Variants in GLIS3 observed in about 807,000 individuals in gnomAD.
GLIS3 encodes the protein GLIS family zinc finger 3.
GLIS3 carries 53 observed loss-of-function variants against 78.6 expected under a neutral mutation model. That is an observed-to-expected ratio of 0.67 (90% CI 0.54 to 0.85). The LOEUF is 0.85. Ranked by LOEUF, GLIS3 falls within the 40% of genes least tolerant of loss-of-function variation. The probability of loss-of-function intolerance (pLI) is 0.00; values close to 1 mark genes in which losing one functional copy is unlikely to be tolerated. For synonymous variants in GLIS3, 684 were observed against 509.9 expected, an observed-to-expected ratio of 1.34 and a Z score of -4.60; for missense variants, 1,703 against 1,231.1, an observed-to-expected ratio of 1.38 and a Z score of -5.74.
chr9:4,108,609 GAAAGAGAGTGA>G (rs1830958712), intron 4 of GLIS3, among the ~76,000 whole-genome samples: 1 of 152,146 alleles, frequency 6.6e-6, no homozygotes, highest in Non-Finnish European at 1.5e-5. Flanking sequence ...GAGGGATGTG[GAAAGAGAGTGA>G]CAAAAAAGAG....
chr9:3,919,380 C>T (rs905792742), intron 6 of GLIS3, among the ~76,000 whole-genome samples: 2 of 152,120 alleles, frequency 1.3e-5, no homozygotes, highest in Non-Finnish European at 2.9e-5. Context: ...GGTCTTTCAT[C>T]TCTAAAATGA....
the GLIS3 span, among the ~76,000 whole-genome samples, chr9:4,366,824 G>A: frequency 2.0e-5 from 3 of 152,144 alleles, no homozygotes; most frequent in African/African-American, 7.2e-5. Context: ...CTGGAAAATG[G>A]CCAAACAGTT....
intron 4 of GLIS3, among the ~76,000 whole-genome samples, chr9:4,105,611 C>A (rs1021191069): frequency 2.0e-5 from 3 of 152,156 alleles, no homozygotes; most frequent in Non-Finnish European, 4.4e-5. Flanking sequence ...TTACCAAGAT[C>A]TATTTTCCTG....
At chr9:4,381,808 G>A in the GLIS3 span, among the ~76,000 whole-genome samples, 2 of 152,188 alleles carry the variant, frequency 1.3e-5, no homozygotes, top group African/African-American at 2.4e-5. Flanking sequence ...TCTGGCAAGA[G>A]GAAGAGCCAT....
At chr9:4,122,293 TG>T (rs1351217193) in intron 3 of GLIS3, among the ~76,000 whole-genome samples, 2 of 152,154 alleles carry the variant, frequency 1.3e-5, no homozygotes, top group Admixed American at 6.5e-5. Flanking sequence ...ATGTAGATCA[TG>T]AAAAAGACGG....
At chr9:4,119,341 A>T (rs1349593465) in intron 3 of GLIS3, among the ~76,000 whole-genome samples, 1 of 152,182 alleles carries the variant, frequency 6.6e-6, no homozygotes, top group Non-Finnish European at 1.5e-5. Flanking sequence ...CTATTTGGGA[A>T]AGTAACATAT....
intron 4 of GLIS3, among the ~76,000 whole-genome samples, chr9:3,948,873 C>A (rs918341922): frequency 5.3e-5 from 8 of 152,292 alleles, no homozygotes; most frequent in African/African-American, 1.9e-4. Flanking sequence ...AAGTATCTAG[C>A]ACATAGTAAA....
chr9:4,418,703 A>C, the GLIS3 span, among the ~76,000 whole-genome samples: 1 of 151,830 alleles, frequency 6.6e-6, no homozygotes, highest in African/African-American at 2.4e-5. Context: ...CATCTCAAAA[A>C]ACAAACAAAA....
the GLIS3 span, among the ~76,000 whole-genome samples, chr9:4,450,580 G>C: frequency 6.6e-6 from 1 of 152,178 alleles, no homozygotes; most frequent in East Asian, 1.9e-4. Context: ...AGGAAAAAAT[G>C]TTAAGGGCAG....
intron 2 of GLIS3, among the ~76,000 whole-genome samples, chr9:4,163,493 G>A (rs1835664347): frequency 6.6e-6 from 1 of 152,228 alleles, no homozygotes; most frequent in Admixed American, 6.5e-5. Context: ...ACACTTTCTG[G>A]CTTCTAGTCC....
intron 6 of GLIS3, among the ~76,000 whole-genome samples, chr9:3,921,960 T>C (rs1442728279): frequency 1.7e-5 from 2 of 118,184 alleles, no homozygotes. Flanking sequence ...ACACTTCACA[T>C]TGGTAAAGTG....
intron 1 of GLIS3, among the ~76,000 whole-genome samples, chr9:4,293,726 G>A (rs1816228159): frequency 6.6e-6 from 1 of 152,182 alleles, no homozygotes; most frequent in Non-Finnish European, 1.5e-5. Context: ...AGAAATCACT[G>A]GTATTCAGAA....
At chr9:4,474,559 G>T in the GLIS3 span, among the ~76,000 whole-genome samples, 1 of 152,172 alleles carries the variant, frequency 6.6e-6, no homozygotes, top group Non-Finnish European at 1.5e-5. Context: ...ATCCCAGATA[G>T]ATTTTAGATT....
intron 4 of GLIS3, among the ~76,000 whole-genome samples, chr9:3,965,860 G>A (rs1304399673): frequency 6.6e-6 from 1 of 152,148 alleles, no homozygotes; most frequent in Non-Finnish European, 1.5e-5. Context: ...AAAACAAAAG[G>A]TAACAGATAC....
In GLIS3 at chr9:4,041,364, C is replaced by A. The variant is rs367881600; in HGVS notation, c.1710+76404G>T. Among the ~76,000 whole-genome samples, 117 of 152,296 alleles carry A rather than the reference C, an allele frequency of 7.7e-4. 2 individuals carry two copies. The South Asian group carries it at 0.023, about 30-fold the overall frequency. On this transcript the variant is annotated intron_variant, in intron 4 of 10. Coordinates refer to ENST00000381971, the MANE Select transcript of GLIS3 (RefSeq NM_001042413.2). Reference sequence around the variant, plus strand: ...CCTCTGCTGAAACGAACTATCTTGCCCCCAGTGTCATTAATGCTGCTTTTG... The same window carrying A: ...CCTCTGCTGAAACGAACTATCTTGCACCCAGTGTCATTAATGCTGCTTTTG...
the GLIS3 span, among the ~76,000 whole-genome samples, chr9:4,427,621 G>C: frequency 1.4e-4 from 21 of 152,276 alleles, no homozygotes; most frequent in Admixed American, 5.9e-4. Flanking sequence ...CATTTTGGGA[G>C]GCTGAGGCAG....
At chr9:4,403,898 T>C in the GLIS3 span, among the ~76,000 whole-genome samples, 1 of 151,938 alleles carries the variant, frequency 6.6e-6, no homozygotes, top group African/African-American at 2.4e-5. Context: ...GAGTGAAAAT[T>C]GACTAAATGC....
chr9:3,967,816 ACAACCG>A (rs1180626255), intron 4 of GLIS3, among the ~76,000 whole-genome samples: 1 of 152,212 alleles, frequency 6.6e-6, no homozygotes, highest in African/African-American at 2.4e-5. Context: ...GTATGCTTCC[ACAACCG>A]TAAAGAATGT....
rs562329684 is a variant in GLIS3 at position 4,127,324 on chromosome 9, A to G, written c.389-1383T>C. Reference sequence around the variant, plus strand: ...CTTAAATTTAGGCTCTGATATGCCTAGTTTCTTCCTTGTACACTTTCCAAG... The same window carrying G: ...CTTAAATTTAGGCTCTGATATGCCTGGTTTCTTCCTTGTACACTTTCCAAG... On this transcript the variant is annotated intron_variant, in intron 2 of 10. Coordinates refer to ENST00000381971, the MANE Select transcript of GLIS3 (RefSeq NM_001042413.2). Among the ~76,000 whole-genome samples, 4 of 152,330 alleles carry G rather than the reference A, an allele frequency of 2.6e-5. No homozygotes were observed. The South Asian group carries it at 8.3e-4, about 32-fold the overall frequency.
Sources: gnomAD v4.1 joint callset for allele counts (sites outside exome capture counted in the v4.1 genomes callset) on GRCh38, gnomAD v4.1.1 for gene constraint, MANE v1.5 for transcripts, NCBI Gene and HGNC (gene_info 2026-07-23, HGNC 2026-07-21) for gene names.